Variants in USP11 observed in about 807,000 individuals in gnomAD.
USP11 encodes the protein ubiquitin carboxyl-terminal hydrolase 11.
In USP11, 5 loss-of-function variants were observed where a neutral mutation model predicts 72.8. The ratio of observed to expected loss-of-function variants is 0.07; its 90% CI spans 0.04 to 0.14. The LOEUF (loss-of-function observed/expected upper bound fraction) is 0.14. USP11 is among the 10% of genes least tolerant of loss of function. USP11 has a pLI of 1.00. For missense variants in USP11, 480 were observed against 794.7 expected (o/e 0.60, Z 4.76); for synonymous variants, 368 against 326.5 (o/e 1.13, Z -1.37).
chrX:47,242,161 A>G lies in USP11; in HGVS notation c.1259A>G (p.Lys420Arg), dbSNP rs756963826. The change falls in exon 10 of 21, where the codon AAG becomes AGG. Residue 420 changes from lysine to arginine, a missense_variant. By Grantham distance (26) the Lys-to-Arg change is conservative. Around this residue, in one of 5 missense-constraint regions of USP11, gnomAD observed 314 missense variants for 556.0 expected, o/e 0.56. Coordinates refer to ENST00000377107, the MANE Select transcript of USP11 (RefSeq NM_001371072.1). Reference sequence around the variant, plus strand: ...GTGGACACTTTCCACGGCCTCTTCAAGTCCACGCTGGTGTGCCCCGATTGT... The same window carrying G: ...GTGGACACTTTCCACGGCCTCTTCAGGTCCACGCTGGTGTGCCCCGATTGT... ...VIVDTFHGLFKSTLVCPDCGN... is the reference protein window; with the variant it reads ...VIVDTFHGLFRSTLVCPDCGN... 8 of 1,210,047 alleles carry G rather than the reference A, an allele frequency of 6.6e-6. No individual in the cohort carries two copies. The African/African-American group carries it at 1.2e-4, about 18-fold the overall frequency.
rs1301397766 is a variant in USP11, at chrX:47,244,492, T to C, written c.1791-6T>C. On this transcript the variant is annotated splice_polypyrimidine_tract_variant and splice_region_variant and intron_variant, in intron 13 of 20. Transcript: ENST00000377107. ...CGTCTTGGGAGTCTCCTCTGCTCTG[T>C]TGCAGACGCTACGTGACCAAACCCA... 8.3e-7 allele frequency: 1 copy of C among 1,211,056 alleles called. No individual in the cohort carries two copies. The highest frequency in any genetic ancestry group is 2.2e-5 in the Admixed American group (1 of 45,926).
chrX:47,238,487 C>CTTTTTTTTT (rs57112058), intron 1 of USP11, among the ~76,000 whole-genome samples: 11 of 44,291 alleles, frequency 2.5e-4, no homozygotes, highest in Admixed American at 6.8e-4. Flanking sequence ...TGTGCCCGGT[C>CTTTTTTTTT]TTTTTTTTTT....
At position 47,245,417 on chromosome X, in the gene USP11, C is replaced by T. The variant is rs776196971; in HGVS notation, c.2205C>T (p.Pro735=). The change falls in exon 17 of 21, where the codon CCC becomes CCT. Residue 735 remains proline (P), a synonymous_variant. Coordinates refer to ENST00000377107, the MANE Select transcript of USP11 (RefSeq NM_001371072.1). ...TCGGGTACGTGATGAAGAAGGCTCC[C>T]GTGCGGCTGCAGGAGTGCATTGAGC... The part of the protein sequence containing the change: ...DCVGYVMKKA[P]VRLQECIELF... 1.2e-5 allele frequency: 15 copies of T among 1,210,101 alleles called. No individual in the cohort carries two copies. Among genetic ancestry groups the T allele is most frequent in the Admixed American group, 2.2e-5 (1 of 45,801 alleles).
chrX:47,246,154 C>T (rs1009306616), intron 17 of USP11, among the ~76,000 whole-genome samples: 5 of 112,399 alleles, frequency 4.4e-5, no homozygotes, highest in Non-Finnish European at 9.4e-5. Context: ...TCTAGCTCAG[C>T]GATGCCACTT....
chrX:47,246,208 G>A (rs1229947653), intron 17 of USP11, among the ~76,000 whole-genome samples: 2 of 112,158 alleles, frequency 1.8e-5, no homozygotes, highest in Non-Finnish European at 3.8e-5. Context: ...TGTCATCTTC[G>A]TTAGAGTCAA....
At chrX:47,241,109 C>T (rs369374478) in intron 7 of USP11, 168 bp from the exon 8 acceptor site, 3 of 587,447 alleles carry the variant, frequency 5.1e-6, no homozygotes, top group South Asian at 3.1e-5. Context: ...TCTTCCTTCT[C>T]GTGAAATCCT....
chrX:47,235,221 G>A lies in USP11; in HGVS notation c.176+2002G>A, dbSNP rs999055251. Among the ~76,000 whole-genome samples the A allele has an allele frequency of 5.4e-5, 6 of 111,662 alleles. No homozygotes were observed. The South Asian group carries it at 1.1e-3, about 21-fold the overall frequency. On this transcript the variant is annotated intron_variant, in intron 1 of 20. Transcript: ENST00000377107. ...TTACCACAGCTGTATGCATCCCTAA[G>A]CGGTATGTATTGTCTAAGCTTTCAC...
At chrX:47,233,708 G>A in intron 1 of USP11, 1 of 237,659 alleles carries the variant, frequency 4.2e-6, no homozygotes, top group Non-Finnish European at 6.0e-6. Context: ...GGACCTCCGT[G>A]GGGGAGGGGG....
intron 7 of USP11, 89 bp from the exon 8 acceptor site, chrX:47,241,188 C>T: frequency 4.9e-6 from 5 of 1,010,687 alleles, no homozygotes; most frequent in Non-Finnish European, 5.4e-6. Context: ...GTTTTCCTCT[C>T]TCTTTCCTCC....
chrX:47,247,921 T>C lies in USP11; in HGVS notation c.2754T>C (p.Asp918=). 8.5e-7 allele frequency: 1 copy of C among 1,183,149 alleles called. No homozygotes were observed. Among genetic ancestry groups the C allele is most frequent in the Non-Finnish European group, 1.1e-6 (1 of 886,664 alleles). ...CCCCACCCAGCTCTGAGTTCATGGATGTTAATTGAGAGCCCTGGGTCCTGC... is the reference window on the plus strand; with the variant it reads ...CCCCACCCAGCTCTGAGTTCATGGACGTTAATTGAGAGCCCTGGGTCCTGC... The part of the protein sequence containing the change: ...CSSPPSSEFM[D]VN The change falls in exon 21 of 21, where the codon GAT becomes GAC. Residue 918 remains aspartate (D), a synonymous_variant. Coordinates refer to ENST00000377107, the MANE Select transcript of USP11 (RefSeq NM_001371072.1).
chrX:47,246,036 G>T, intron 17 of USP11, among the ~76,000 whole-genome samples: 1 of 111,312 alleles, frequency 9.0e-6, no homozygotes, highest in African/African-American at 3.3e-5. Flanking sequence ...CCGATCAAAT[G>T]TGACCTCATC....
intron 9 of USP11, 109 bp from the exon 10 acceptor site, chrX:47,241,973 T>C: frequency 1.1e-6 from 1 of 884,642 alleles, no homozygotes; most frequent in Admixed American, 2.7e-5. Flanking sequence ...GAGCTCTGCC[T>C]CTGGACTTTA....
In USP11 at chrX:47,247,089, A is replaced by G. The variant is rs780580051; in HGVS notation, c.2288A>G (p.Lys763Arg). 19 of 1,208,813 alleles carry G rather than the reference A, an allele frequency of 1.6e-5. No homozygotes were observed. The highest frequency in any genetic ancestry group is 2.3e-4 in the Middle Eastern group (1 of 4,364). The change falls in exon 18 of 21, where the codon AAG (lysine) becomes AGG (arginine). Residue 763 changes from lysine (K) to arginine (R), a missense_variant. Coordinates refer to ENST00000377107, the MANE Select transcript of USP11 (RefSeq NM_001371072.1). ...KENPWYCPSC[K>R]QHQLATKKLD... ...GTCTGTAGGTACTGCCCTTCCTGCA[A>G]GCAGCACCAGCTGGCAACCAAGAAG...
intron 12 of USP11, 65 bp from the exon 13 acceptor site, chrX:47,243,331 C>G (rs1256556357): frequency 4.4e-6 from 5 of 1,133,374 alleles, no homozygotes; most frequent in Non-Finnish European, 6.0e-6. Flanking sequence ...GGTGGGGCAG[C>G]CAGGGCAGAG....
chrX:47,247,526 C>T (rs537181755), intron 19 of USP11, 85 bp from the exon 20 acceptor site: 32 of 1,153,756 alleles, frequency 2.8e-5, no homozygotes, highest in Middle Eastern at 2.4e-4. Context: ...GTGAGGTTAT[C>T]GTGGTGGGAG....
At chrX:47,241,118 C>T (rs1348481571) in intron 7 of USP11, 159 bp from the exon 8 acceptor site, 1 of 605,186 alleles carries the variant, frequency 1.7e-6, no homozygotes, top group Admixed American at 3.9e-5. Flanking sequence ...TCGTGAAATC[C>T]TAATGCCTTC....
intron 1 of USP11, among the ~76,000 whole-genome samples, chrX:47,234,401 A>G (rs1487489873): frequency 8.9e-6 from 1 of 112,380 alleles, no homozygotes; most frequent in East Asian, 2.8e-4. Flanking sequence ...CTTTTACTGT[A>G]AAAGGCAATG....
chrX:47,236,921 G>A (rs1468856801), intron 1 of USP11, among the ~76,000 whole-genome samples: 2 of 111,997 alleles, frequency 1.8e-5, no homozygotes, highest in Admixed American at 1.9e-4. Flanking sequence ...GAGATTGTGA[G>A]ACATCCTGAT....
chrX:47,242,410 G>A (rs745923690), intron 10 of USP11, 29 bp from the exon 11 acceptor site: 20 of 1,209,672 alleles, frequency 1.7e-5, no homozygotes, highest in Non-Finnish European at 2.0e-5. Context: ...AGCCCTTTTG[G>A]TCTTTTGTGG....
Sources: allele counts gnomAD v4.1 joint callset (sites outside exome capture counted in the v4.1 genomes callset), GRCh38; gene constraint gnomAD v4.1.1; regional missense constraint gnomAD v4.1.1; transcripts MANE v1.5; gene names NCBI Gene and HGNC (gene_info 2026-07-23, HGNC 2026-07-21).